The following NXPH1 variants were observed in gnomAD, a reference collection of about 807,000 sequenced individuals.
NXPH1 encodes the protein neurexophilin-1.
Under a neutral mutation model 23.7 loss-of-function variants are expected in NXPH1, and 5 were observed. That is an observed-to-expected ratio of 0.21 (90% CI 0.11 to 0.44). NXPH1 has a LOEUF of 0.44. Among genes scored for constraint, NXPH1 ranks in the 20% least tolerant of loss-of-function variants. NXPH1 has a pLI of 0.99. For synonymous variants in NXPH1, 144 were observed against 122.2 expected (o/e 1.18, Z -1.18); for missense variants, 324 against 321.6 (o/e 1.01, Z -0.06).
rs111357902 is a variant in NXPH1 at position 8,543,194 on chromosome 7, A to G, written c.54+107427A>G. Among the ~76,000 whole-genome samples, 1,226 of 151,606 alleles carry G rather than the reference A, an allele frequency of 8.1e-3. 4 individuals are homozygous for G. The highest frequency in any genetic ancestry group is 0.013 in the Non-Finnish European group (865 of 67,648). Reference sequence around the variant, plus strand: ...CTATAAAACTCTTCATTGACCTTCAATTGCATCTCATCCACTCCCACCTAT... The same window carrying G: ...CTATAAAACTCTTCATTGACCTTCAGTTGCATCTCATCCACTCCCACCTAT... On this transcript the variant is annotated intron_variant, in intron 2 of 2. Coordinates refer to ENST00000405863, the MANE Select transcript of NXPH1 (RefSeq NM_152745.3).
chr7:8,593,899 T>C (rs1321285648), intron 2 of NXPH1, among the ~76,000 whole-genome samples: 1 of 152,108 alleles, frequency 6.6e-6, no homozygotes, highest in Non-Finnish European at 1.5e-5. Context: ...GCATACACGA[T>C]ACGTTACATA....
At chr7:8,568,180 C>T (rs1397255007) in intron 2 of NXPH1, among the ~76,000 whole-genome samples, 2 of 151,864 alleles carry the variant, frequency 1.3e-5, no homozygotes, top group African/African-American at 4.8e-5. Context: ...GTAGAAACCT[C>T]TGTTGACTAT....
intron 2 of NXPH1, among the ~76,000 whole-genome samples, chr7:8,598,601 G>T (rs10235624): frequency 2.0e-5 from 3 of 151,964 alleles, no homozygotes; most frequent in African/African-American, 7.3e-5. Context: ...GGGAAGCAAG[G>T]GGGTAGGGGA....
At chr7:8,483,965 C>CTTTTT (rs60436502) in intron 2 of NXPH1, among the ~76,000 whole-genome samples, 38 of 132,324 alleles carry the variant, frequency 2.9e-4, no homozygotes, top group African/African-American at 1.2e-3. Flanking sequence ...CTCCCCCCAC[C>CTTTTT]TTTTTTTTTT....
intron 2 of NXPH1, among the ~76,000 whole-genome samples, chr7:8,589,136 A>G (rs1034525621): frequency 3.9e-5 from 6 of 152,116 alleles, no homozygotes; most frequent in Non-Finnish European, 2.9e-5. Context: ...TTTAACTTCT[A>G]AAATATTTTT....
chr7:8,495,034 C>G (rs149224631), intron 2 of NXPH1, among the ~76,000 whole-genome samples: 1 of 152,078 alleles, frequency 6.6e-6, no homozygotes, highest in African/African-American at 2.4e-5. Context: ...GAAGTTTCAG[C>G]AAGATATCAT....
intron 2 of NXPH1, among the ~76,000 whole-genome samples, chr7:8,722,384 C>T (rs1211403497): frequency 6.6e-6 from 1 of 152,094 alleles, no homozygotes; most frequent in Non-Finnish European, 1.5e-5. Flanking sequence ...TCTGTGTTAT[C>T]ATTTGCTTGA....
intron 2 of NXPH1, among the ~76,000 whole-genome samples, chr7:8,618,875 G>A (rs1819803449): frequency 6.6e-6 from 1 of 152,146 alleles, no homozygotes; most frequent in African/African-American, 2.4e-5. Flanking sequence ...TGCTAATTAT[G>A]TGTGCTGCAA....
intron 2 of NXPH1, among the ~76,000 whole-genome samples, chr7:8,617,762 C>T (rs144267505): frequency 6.6e-6 from 1 of 151,976 alleles, no homozygotes; most frequent in Admixed American, 6.6e-5. Flanking sequence ...TCAATAATAA[C>T]GTAATTGTAC....
At chr7:8,570,216 GTTAAA>G (rs2128621981) in intron 2 of NXPH1, among the ~76,000 whole-genome samples, 1 of 152,030 alleles carries the variant, frequency 6.6e-6, no homozygotes, top group Admixed American at 6.6e-5. Flanking sequence ...ATATAAAACT[GTTAAA>G]TATCAGCAGT....
At chr7:8,470,252 C>T (rs1816851308) in intron 2 of NXPH1, among the ~76,000 whole-genome samples, 1 of 152,096 alleles carries the variant, frequency 6.6e-6, no homozygotes, top group Admixed American at 6.6e-5. Flanking sequence ...TCTACATTGA[C>T]TATTAAGTTG....
intron 2 of NXPH1, among the ~76,000 whole-genome samples, chr7:8,610,500 T>C (rs1392451424): frequency 6.6e-6 from 1 of 152,142 alleles, no homozygotes; most frequent in East Asian, 1.9e-4. Flanking sequence ...AGAACTTTAT[T>C]ACAGAAAAAT....
At chr7:8,497,462 G>T (rs1426365594) in intron 2 of NXPH1, among the ~76,000 whole-genome samples, 3 of 152,142 alleles carry the variant, frequency 2.0e-5, no homozygotes, top group Admixed American at 6.6e-5. Context: ...GGTTGAACTA[G>T]TTTACAGTCC....
chr7:8,527,805 A>C (rs148664409), intron 2 of NXPH1, among the ~76,000 whole-genome samples: 9 of 152,362 alleles, frequency 5.9e-5, no homozygotes, highest in Non-Finnish European at 1.0e-4. Flanking sequence ...TTGTAATTCA[A>C]CATGGCAAAA....
chr7:8,697,866 G>A (rs1234625987), intron 2 of NXPH1, among the ~76,000 whole-genome samples: 3 of 152,178 alleles, frequency 2.0e-5, no homozygotes, highest in Non-Finnish European at 2.9e-5. Context: ...GGAGAGTGGA[G>A]CAAGAGAGAC....
At chr7:8,524,440 G>T (rs562771046) in intron 2 of NXPH1, among the ~76,000 whole-genome samples, 10 of 152,108 alleles carry the variant, frequency 6.6e-5, no homozygotes, top group Admixed American at 2.6e-4. Flanking sequence ...CTGCTTCAGA[G>T]GTTCAGCTGT....
intron 2 of NXPH1, among the ~76,000 whole-genome samples, chr7:8,491,016 C>G (rs560415241): frequency 2.6e-5 from 4 of 152,112 alleles, no homozygotes; most frequent in African/African-American, 9.6e-5. Flanking sequence ...GTAGTGACAC[C>G]TGCGACACCT....
chr7:8,674,820 A>C lies in NXPH1; in HGVS notation c.55-76188A>C, dbSNP rs548086441. On this transcript the variant is annotated intron_variant, in intron 2 of 2. Transcript: ENST00000405863. ...GAGGCCTATCACAGAAGGGATGCCA[A>C]CTAATGAGATTCCACACATCATTGT... 3.9e-5 allele frequency among the ~76,000 whole-genome samples: 6 copies of C among 152,306 alleles called. No homozygotes were observed. The South Asian group carries it at 1.2e-3, about 32-fold the overall frequency.
intron 2 of NXPH1, among the ~76,000 whole-genome samples, chr7:8,496,581 G>A (rs1277680327): frequency 2.0e-5 from 3 of 151,984 alleles, no homozygotes; most frequent in Admixed American, 6.6e-5. Flanking sequence ...CTTGAAAATG[G>A]TTTTCAAAGG....
Sources: gnomAD v4.1 joint callset for allele counts (sites outside exome capture counted in the v4.1 genomes callset) on GRCh38, gnomAD v4.1.1 for gene constraint, MANE v1.5 for transcripts, NCBI Gene and HGNC (gene_info 2026-07-23, HGNC 2026-07-21) for gene names.